The following IL17RB variants were observed in gnomAD, a reference collection of about 807,000 sequenced individuals.
IL17RB encodes the protein interleukin-17 receptor B.
IL17RB carries 36 observed loss-of-function variants against 43.9 expected under a neutral mutation model. The observed-to-expected ratio is 0.82, with a 90% CI of 0.63 to 1.08. The LOEUF (loss-of-function observed/expected upper bound fraction) is 1.08. Ranked by LOEUF, IL17RB falls within the 50% of genes least tolerant of loss-of-function variation. The probability of loss-of-function intolerance (pLI) is 0.00; values close to 1 mark genes in which losing one functional copy is unlikely to be tolerated. For missense variants in IL17RB, 613 were observed against 613.6 expected (o/e 1.00, Z 0.01); for synonymous variants, 225 against 225.4 (o/e 1.00, Z 0.02).
At chr3:53,847,444 G>A (rs7627178) in intron 1 of IL17RB, among the ~76,000 whole-genome samples, 73,926 of 150,084 alleles carry the variant, frequency 0.49, 20,915 homozygotes, top group Non-Finnish European at 0.64. Flanking sequence ...CTCACCGGCC[G>A]TTTGATAAGA....
In IL17RB at chr3:53,849,775, G is replaced by A. The variant is rs756596770; in HGVS notation, c.206G>A (p.Ser69Asn). 2.5e-6 allele frequency: 4 copies of A among 1,606,826 alleles called. No individual in the cohort carries two copies. The African/African-American group carries it at 4.0e-5, about 16-fold the overall frequency. The change falls in exon 3 of 11, where the codon AGC becomes AAC. Residue 69 changes from serine to asparagine, a missense_variant. By Grantham distance (46) the Ser-to-Asn change is conservative. Transcript: ENST00000288167. ...GACTATTCAATTTTGATGAATGTAA[G>A]CTGGGTACTCCGGGCAGATGGTAAG... ...TGDYSILMNV[S>N]WVLRADASIR... is the part of the protein sequence containing the mutation.
chr3:53,863,531 A>C (rs1328909400), intron 10 of IL17RB, among the ~76,000 whole-genome samples: 1 of 152,246 alleles, frequency 6.6e-6, no homozygotes, highest in Non-Finnish European at 1.5e-5. Context: ...CCTGGACCTC[A>C]GGAATTCTTA....
intron 10 of IL17RB, among the ~76,000 whole-genome samples, chr3:53,863,516 G>A (rs913780002): frequency 6.6e-5 from 10 of 152,170 alleles, no homozygotes; most frequent in Non-Finnish European, 1.0e-4. Context: ...AAAGCCACAG[G>A]GGCACCTGGA....
In IL17RB at chr3:53,865,331, C is replaced by A. The variant is rs1389386735; in HGVS notation, c.*23C>A. 1 of 1,567,292 alleles carries A rather than the reference C, an allele frequency of 6.4e-7. No homozygotes were observed. ...TAGCCCACCCATGAGAAGCAAGAGACCTTAAAGGCTTCCTATCCCACCAAT... is the reference window on the plus strand; with the variant it reads ...TAGCCCACCCATGAGAAGCAAGAGAACTTAAAGGCTTCCTATCCCACCAAT... On this transcript the variant is annotated 3_prime_UTR_variant, in exon 11 of 11. Transcript: ENST00000288167.
At chr3:53,855,116 C>CAAAAAAAAAAAAAAAAAAAAAAAAAAA (rs746854673) in intron 5 of IL17RB, among the ~76,000 whole-genome samples, 178 bp from the exon 6 acceptor site, 1 of 69,404 alleles carries the variant, frequency 1.4e-5, no homozygotes, top group African/African-American at 5.6e-5. Flanking sequence ...GACTCCGGCT[C>CAAAAAAAAAAAAAAAAAAAAAAAAAAA]AAAAAAAAAA....
chr3:53,858,409 T>G, intron 8 of IL17RB: 1 of 1,128,700 alleles, frequency 8.9e-7, no homozygotes, highest in Non-Finnish European at 1.1e-6. Flanking sequence ...CTGCTCCTTT[T>G]TTCTAGAGGA....
chr3:53,865,305 G>C lies in IL17RB; in HGVS notation c.1506G>C (p.Leu502Phe). The C allele has an allele frequency of 6.2e-7, 1 of 1,601,014 alleles. No homozygotes were observed. The highest frequency in any genetic ancestry group is 8.5e-7 in the Non-Finnish European group (1 of 1,178,032). ...SQACHDGCCS[L>F] ...CCTGCCACGATGGCTGCTGCTCCTT[G>C]TAGCCCACCCATGAGAAGCAAGAGA... Residue 502 changes from leucine to phenylalanine, a missense_variant, in exon 11 of 11, where the codon TTG becomes TTC. Transcript: ENST00000288167.
intron 3 of IL17RB, among the ~76,000 whole-genome samples, chr3:53,851,516 G>A (rs1699146241): frequency 6.6e-6 from 1 of 152,202 alleles, no homozygotes; most frequent in African/African-American, 2.4e-5. Context: ...CTTTAAAAGA[G>A]TGAAACTTGA....
chr3:53,851,490 G>A (rs1699145061), intron 3 of IL17RB, among the ~76,000 whole-genome samples: 1 of 152,186 alleles, frequency 6.6e-6, no homozygotes, highest in Non-Finnish European at 1.5e-5. Flanking sequence ...GGGCTGTGGT[G>A]CATGAGTGAG....
Position 53,846,637 on chromosome 3 carries a change from C to A in IL17RB, c.49C>A (p.Pro17Thr), listed in dbSNP as rs1234852177. 1.3e-6 allele frequency: 2 copies of A among 1,592,338 alleles called. No homozygotes were observed. Among genetic ancestry groups the A allele is most frequent in the South Asian group, 2.3e-5 (2 of 88,450 alleles). ...GGCCGCGCTGTGCAGGAGCGCCGTA[C>A]CCCGAGAGCCGGTAAGCCCCCGCCA... ...SLAALCRSAV[P>T]REPTVQCGSE... The change falls in exon 1 of 11, where the codon CCC becomes ACC. Residue 17 changes from proline to threonine, a missense_variant. Pro to Thr is a conservative substitution (Grantham distance 38). Coordinates refer to ENST00000288167, the MANE Select transcript of IL17RB (RefSeq NM_018725.4).
rs932328596 is a variant in IL17RB, at chr3:53,848,582, A to G, written c.61-82A>G. ...CACTTGTATATGCATTTAAGGGGAA[A>G]ATGGTGTTCTGCCTAATTTGGCAAA... On this transcript the variant is annotated intron_variant, in intron 1 of 10. Transcript: ENST00000288167. The G allele has an allele frequency of 5.9e-6, 8 of 1,346,492 alleles. No homozygotes were observed. In the African/African-American group the frequency reaches 1.1e-4, roughly 19 times the overall value. The allele number at this position is 1,346,492 out of a possible 1,614,324, so 83.4% of individuals were successfully genotyped here.
rs1220429904 is a variant in IL17RB at position 53,865,740 on chromosome 3, C to CA, written c.*438dup. 1 of 154,698 alleles carries CA rather than the reference C, an allele frequency of 6.5e-6. No homozygotes were observed. The highest frequency in any genetic ancestry group is 1.9e-4 in the East Asian group (1 of 5,242). 9.6% of individuals were successfully genotyped at this position (154,698 alleles called of 1,614,324 possible). On this transcript the variant is annotated 3_prime_UTR_variant, in exon 11 of 11. Transcript: ENST00000288167. ...TAAGTGAAAAACCTTCTATTACATG[C>CA]AAAAAATCATTGTTTTTAAGATAAC...
chr3:53,862,281 TC>T (rs1476609893), intron 10 of IL17RB, among the ~76,000 whole-genome samples: 1 of 152,096 alleles, frequency 6.6e-6, no homozygotes, highest in Non-Finnish European at 1.5e-5. Context: ...ATAAGGACCT[TC>T]AAGGCTCATT....
chr3:53,852,884 A>T lies in IL17RB; in HGVS notation c.368A>T (p.Tyr123Phe). 6.2e-7 allele frequency: 1 copy of T among 1,613,850 alleles called. No individual in the cohort carries two copies. Among genetic ancestry groups the T allele is most frequent in the Non-Finnish European group, 8.5e-7 (1 of 1,179,782 alleles). ...TTTGCCTTTCAGTGGACATTTTCCT[A>T]CATCGGCTTCCCTGTAGAGCTGAAC... ...RPSGGKWTFS[Y>F]IGFPVELNTV... is the part of the protein sequence containing the mutation. The change falls in exon 5 of 11, where the codon TAC becomes TTC. Residue 123 changes from tyrosine to phenylalanine, a missense_variant. By Grantham distance (22) the Tyr-to-Phe change is conservative. Transcript: ENST00000288167.
intron 3 of IL17RB, among the ~76,000 whole-genome samples, chr3:53,851,321 T>G (rs913541445): frequency 1.1e-4 from 17 of 152,028 alleles, no homozygotes; most frequent in African/African-American, 4.1e-4. Context: ...ACAGGCACAA[T>G]GTCAGGGGAG....
intron 10 of IL17RB, among the ~76,000 whole-genome samples, chr3:53,862,751 T>C (rs1440630152): frequency 6.6e-6 from 1 of 152,180 alleles, no homozygotes; most frequent in Non-Finnish European, 1.5e-5. Context: ...CAAGACTGCT[T>C]TTCACTTCTT....
chr3:53,862,882 A>G (rs1426078669), intron 10 of IL17RB, among the ~76,000 whole-genome samples: 1 of 152,128 alleles, frequency 6.6e-6, no homozygotes, highest in Non-Finnish European at 1.5e-5. Flanking sequence ...AGAAATTATG[A>G]TGTCTTTCTG....
chr3:53,858,678 A>G (rs756708159), intron 8 of IL17RB, 41 bp from the exon 9 acceptor site: 5 of 1,608,556 alleles, frequency 3.1e-6, no homozygotes, highest in South Asian at 2.2e-5. Context: ...TTTTGCTCTG[A>G]TGCATGGTGT....
At chr3:53,851,913 T>G in intron 3 of IL17RB, 86 bp from the exon 4 acceptor site, 5 of 1,458,846 alleles carry the variant, frequency 3.4e-6, no homozygotes, top group Non-Finnish European at 4.8e-6. Flanking sequence ...AGACATAAAA[T>G]AAAGCATGCT....
Sources: allele counts gnomAD v4.1 joint callset (sites outside exome capture counted in the v4.1 genomes callset), GRCh38; gene constraint gnomAD v4.1.1; transcripts MANE v1.5; gene names NCBI Gene and HGNC (gene_info 2026-07-23, HGNC 2026-07-21).